The following ZNF831 variants were observed in gnomAD, a reference collection of about 807,000 sequenced individuals.
The protein encoded by ZNF831 is chromosome 20 open reading frame 174.
ZNF831 carries 59 observed loss-of-function variants against 95.8 expected under a neutral mutation model. The observed-to-expected ratio is 0.62, with a 90% CI of 0.50 to 0.77. The LOEUF (loss-of-function observed/expected upper bound fraction) is 0.77. Ranked by LOEUF, ZNF831 falls within the 30% of genes least tolerant of loss-of-function variation. The pLI, the probability that ZNF831 is intolerant of heterozygous loss-of-function variation, is 0.00. For missense variants in ZNF831, 2,205 were observed against 2,164.0 expected, an observed-to-expected ratio of 1.02 and a Z score of -0.38; for synonymous variants, 961 against 925.5, an observed-to-expected ratio of 1.04 and a Z score of -0.70.
intron 4 of ZNF831, among the ~76,000 whole-genome samples, chr20:59,219,662 C>T (rs1214501119): frequency 6.6e-6 from 1 of 152,106 alleles, no homozygotes; most frequent in Non-Finnish European, 1.5e-5. Flanking sequence ...GTGGGAGAAC[C>T]GAAGGCCGTC....
At chr20:59,139,022 G>A (rs1397345419) in intron 1 of ZNF831, among the ~76,000 whole-genome samples, 1 of 149,492 alleles carries the variant, frequency 6.7e-6, no homozygotes, top group African/African-American at 2.5e-5. Context: ...TTTTTTTTTT[G>A]ACAGCGGTTA....
At chr20:59,148,921 G>A (rs968580802) in intron 2 of ZNF831, among the ~76,000 whole-genome samples, 5 of 152,064 alleles carry the variant, frequency 3.3e-5, no homozygotes, top group Non-Finnish European at 5.9e-5. Context: ...CTTCCCCAGA[G>A]CATCTTGTGC....
At chr20:59,190,860 T>G (rs770594928) in intron 1 of ZNF831, 124 bp from the exon 2 acceptor site, 2 of 795,978 alleles carry the variant, frequency 2.5e-6, no homozygotes, top group African/African-American at 1.8e-5. Context: ...GGGATGAGAG[T>G]ACATTCCTTA....
At chr20:59,158,357 A>G (rs780121062) in intron 2 of ZNF831, among the ~76,000 whole-genome samples, 7 of 152,216 alleles carry the variant, frequency 4.6e-5, no homozygotes. Flanking sequence ...GAAAGGGTCC[A>G]GGGGGCATTT....
At position 59,194,315 on chromosome 20, in the gene ZNF831, C is replaced by G. The variant is rs765464347; in HGVS notation, c.3296C>G (p.Pro1099Arg). The G allele has an allele frequency of 3.1e-6, 5 of 1,613,904 alleles. No homozygotes were observed. The highest frequency in any genetic ancestry group is 1.7e-5 in the Admixed American group (1 of 60,018). ...LSGDVLNPWV[P>R]NWELGEPPGN... ...GGGGATGTCCTGAATCCCTGGGTAC[C>G]CAACTGGGAGCTGGGGGAGCCTCCT... is the stretch of plus-strand genomic sequence containing the variant. The change falls in exon 2 of 6, where the codon CCC (proline) becomes CGC (arginine). Residue 1099 changes from proline to arginine, a missense_variant. Pro to Arg is a moderately radical substitution (Grantham distance 103). Transcript: ENST00000371030.
Position 59,188,777 on chromosome 20 carries a change from G to T in ZNF831, c.-36-2207G>T, listed in dbSNP as rs2903074. 2.0e-5 allele frequency among the ~76,000 whole-genome samples: 3 copies of T among 152,142 alleles called. No individual in the cohort carries two copies. In the South Asian group the frequency reaches 6.2e-4, roughly 32 times the overall value. ...ATTTGCAAATATTTTCTCCCATTCC[G>T]TGGACTGTTTTTTCACTTTCTTGAA... is the stretch of plus-strand genomic sequence containing the variant. On this transcript the variant is annotated intron_variant, in intron 1 of 5. Coordinates refer to ENST00000371030, the MANE Select transcript of ZNF831 (RefSeq NM_178457.3).
chr20:59,225,314 C>T (rs184512355), intron 4 of ZNF831, among the ~76,000 whole-genome samples: 3 of 152,250 alleles, frequency 2.0e-5, no homozygotes, highest in African/African-American at 4.8e-5. Context: ...GGATTTTCCA[C>T]GGCTGGTTTA....
chr20:59,136,411 T>C (rs1050623397), intron 1 of ZNF831, among the ~76,000 whole-genome samples: 5 of 152,152 alleles, frequency 3.3e-5, no homozygotes, highest in Admixed American at 3.3e-4. Flanking sequence ...AGATTAAAGT[T>C]TGATTGAATA....
In ZNF831 at chr20:59,254,324, G is replaced by A. The variant is rs2146767915; in HGVS notation, c.4615G>A (p.Ala1539Thr). 1 of 1,614,108 alleles carries A rather than the reference G, an allele frequency of 6.2e-7. No homozygotes were observed. Among genetic ancestry groups the A allele is most frequent in the Non-Finnish European group, 8.5e-7 (1 of 1,180,004 alleles). Residue 1539 changes from alanine (A) to threonine (T), a missense_variant, in exon 6 of 6, where the codon GCA becomes ACA. Physicochemically the swap from Ala to Thr is moderately conservative, Grantham distance 58 (BLOSUM62 0). Transcript: ENST00000371030. This position sits in a 1 kb window ranked among gnomAD's most constrained non-coding sequence, Gnocchi z 4.5. ...PDSKVTEEGR[A>T]QTLLPGRPSS... ...CAGCAAAGTCACAGAAGAGGGCAGA[G>A]CACAGACCCTCTTGCCAGGGAGACC... is the stretch of plus-strand genomic sequence containing the variant.
At chr20:59,189,393 T>C (rs932955210) in intron 1 of ZNF831, among the ~76,000 whole-genome samples, 2 of 152,232 alleles carry the variant, frequency 1.3e-5, no homozygotes, top group Non-Finnish European at 2.9e-5. Flanking sequence ...TAGGGCTGTG[T>C]TTCACAGCTG....
intron 4 of ZNF831, among the ~76,000 whole-genome samples, chr20:59,239,699 C>G (rs557991638): frequency 1.3e-5 from 2 of 152,272 alleles, no homozygotes; most frequent in East Asian, 3.9e-4. Context: ...CGCGCGCCAC[C>G]ACGCCTGGCT....
intron 4 of ZNF831, among the ~76,000 whole-genome samples, chr20:59,230,914 C>G (rs1038266904): frequency 6.6e-6 from 1 of 152,204 alleles, no homozygotes; most frequent in Non-Finnish European, 1.5e-5. Flanking sequence ...CGGGTGAGAG[C>G]AGTCTGGGTC....
At chr20:59,224,719 G>A (rs747357380) in intron 4 of ZNF831, among the ~76,000 whole-genome samples, 1 of 152,160 alleles carries the variant, frequency 6.6e-6, no homozygotes, top group African/African-American at 2.4e-5. Flanking sequence ...CAATCTAATC[G>A]AGAAAGCAAC....
At chr20:59,185,839 G>A (rs1417937989) in intron 1 of ZNF831, among the ~76,000 whole-genome samples, 1 of 152,162 alleles carries the variant, frequency 6.6e-6, no homozygotes, top group Non-Finnish European at 1.5e-5. Flanking sequence ...AGGACAGGAG[G>A]CTTGTACTCA....
intron 3 of ZNF831, among the ~76,000 whole-genome samples, chr20:59,199,334 A>G (rs1343641121): frequency 1.3e-5 from 2 of 152,146 alleles, no homozygotes; most frequent in African/African-American, 4.8e-5. Context: ...CAATATATAG[A>G]AAAGAAAAAT....
chr20:59,213,189 C>T (rs549812916), intron 4 of ZNF831, among the ~76,000 whole-genome samples: 1 of 152,288 alleles, frequency 6.6e-6, no homozygotes, highest in South Asian at 2.1e-4. Context: ...GTCTACCCTA[C>T]AATTTTATGT....
At position 59,254,002 on chromosome 20, in the gene ZNF831, T is replaced by C. The variant is rs2146762367; in HGVS notation, c.4293T>C (p.Asn1431=). 5 of 1,614,066 alleles carry C rather than the reference T, an allele frequency of 3.1e-6. No homozygotes were observed. Among genetic ancestry groups the C allele is most frequent in the Non-Finnish European group, 4.2e-6 (5 of 1,180,020 alleles). ...CTGACACCTGCCTGGCAGTGGTTAA[T>C]GACGTGCCTCTACCCCCTGGCAAAG... ...LQSDTCLAVV[N]DVPLPPGKGL... is the part of the protein sequence containing the mutation. Residue 1431 remains asparagine, a synonymous_variant, in exon 6 of 6, where the codon AAT becomes AAC. Coordinates refer to ENST00000371030, the MANE Select transcript of ZNF831 (RefSeq NM_178457.3). The surrounding 1 kb of genome is among the most constrained non-coding windows in gnomAD (Gnocchi z 4.5).
At chr20:59,210,585 A>G (rs1985229952) in intron 4 of ZNF831, among the ~76,000 whole-genome samples, 1 of 152,316 alleles carries the variant, frequency 6.6e-6, no homozygotes, top group East Asian at 1.9e-4. Context: ...CTTATCCTGC[A>G]TGCTCATGGT....
At chr20:59,232,351 C>A (rs1986772236) in intron 4 of ZNF831, among the ~76,000 whole-genome samples, 1 of 151,936 alleles carries the variant, frequency 6.6e-6, no homozygotes, top group Non-Finnish European at 1.5e-5. Flanking sequence ...TGATTATAAT[C>A]AGTGAGAATA....
Sources: allele counts gnomAD v4.1 joint callset (sites outside exome capture counted in the v4.1 genomes callset), GRCh38; gene constraint gnomAD v4.1.1; non-coding constraint Gnocchi (gnomAD v3.1); transcripts MANE v1.5; gene names NCBI Gene and HGNC (gene_info 2026-07-23, HGNC 2026-07-21).